The following LPIN2 variants were observed in gnomAD, a reference collection of about 807,000 sequenced individuals.
The protein encoded by LPIN2 is lipin 2.
A neutral mutation model predicts 111.4 loss-of-function variants in LPIN2; 55 were observed. That is an observed-to-expected ratio of 0.49 (90% confidence interval 0.40 to 0.62). The LOEUF (loss-of-function observed/expected upper bound fraction) is 0.62. Ranked by LOEUF, LPIN2 falls within the 20% of genes least tolerant of loss-of-function variation. The pLI is 0.00. For synonymous variants in LPIN2, 425 were observed against 414.0 expected (o/e 1.03, Z -0.32); for missense variants, 992 against 1,112.1 (o/e 0.89, Z 1.54).
intron 1 of LPIN2, among the ~76,000 whole-genome samples, chr18:2,987,105 G>A (rs661247): frequency 0.94 from 143,613 of 152,278 alleles, 68,018 homozygotes; most frequent in East Asian, 1. Context: ...TTTCTGTTCT[G>A]GGGTTATATC....
At chr18:2,961,451 T>C (rs950469492) in intron 1 of LPIN2, among the ~76,000 whole-genome samples, 1 of 152,048 alleles carries the variant, frequency 6.6e-6, no homozygotes, top group Admixed American at 6.6e-5. Context: ...TACGGAAAAA[T>C]CCCTTCAATG....
chr18:2,921,938 C>A, intron 17 of LPIN2, 109 bp downstream of exon 17: 1 of 1,394,182 alleles, frequency 7.2e-7, no homozygotes, highest in Non-Finnish European at 9.6e-7. Context: ...CTGGGAGAGG[C>A]GTGGCGGCTC....
At chr18:2,932,151 A>T (rs1002566551) in intron 8 of LPIN2, among the ~76,000 whole-genome samples, 1 of 152,250 alleles carries the variant, frequency 6.6e-6, no homozygotes, top group Non-Finnish European at 1.5e-5. Flanking sequence ...AATGAAGTGT[A>T]AATTTGAGAA....
intron 4 of LPIN2, chr18:2,946,042 C>T (rs991230901): frequency 3.5e-5 from 49 of 1,411,958 alleles, no homozygotes; most frequent in South Asian, 3.3e-4. Flanking sequence ...CTCTAGACCC[C>T]GATATGTCTT....
At chr18:2,928,561 G>A (rs375285281) in intron 11 of LPIN2, 30 bp downstream of exon 11, 51 of 1,610,194 alleles carry the variant, frequency 3.2e-5, no homozygotes, top group Middle Eastern at 1.6e-4. Flanking sequence ...GGATGCTTTC[G>A]GAAAGGCAGC....
intron 1 of LPIN2, among the ~76,000 whole-genome samples, chr18:3,010,799 G>A (rs2078589826): frequency 6.6e-6 from 1 of 152,082 alleles, no homozygotes; most frequent in South Asian, 2.1e-4. Flanking sequence ...TAGGAAATAA[G>A]TACCCAAGGC....
At chr18:2,980,453 C>A (rs989521133) in intron 1 of LPIN2, among the ~76,000 whole-genome samples, 1 of 152,176 alleles carries the variant, frequency 6.6e-6, no homozygotes, top group Non-Finnish European at 1.5e-5. Context: ...CACCACCAAC[C>A]TCAGCCCCAC....
intron 1 of LPIN2, among the ~76,000 whole-genome samples, chr18:2,977,710 C>T (rs1458779311): frequency 6.6e-6 from 1 of 152,062 alleles, no homozygotes; most frequent in East Asian, 1.9e-4. Context: ...TTACAATTAG[C>T]TGAATAAAAT....
chr18:2,982,615 T>G, intron 1 of LPIN2: 1 of 803,968 alleles, frequency 1.2e-6, no homozygotes, highest in Non-Finnish European at 1.9e-6. Flanking sequence ...CTCAGTAGTG[T>G]CCAGATTGAG....
chr18:2,995,957 T>C (rs111584625), intron 1 of LPIN2, among the ~76,000 whole-genome samples: 1,557 of 152,300 alleles, frequency 0.01, 25 homozygotes, highest in African/African-American at 0.035. Flanking sequence ...TTAAGCAGGG[T>C]ACCAAGCTTC....
Position 2,931,239 on chromosome 18 carries a change from A to G in LPIN2, c.1456+17T>C. 6.2e-7 allele frequency: 1 copy of G among 1,613,662 alleles called. No individual in the cohort carries two copies. The highest frequency in any genetic ancestry group is 8.5e-7 in the Non-Finnish European group (1 of 1,179,700). On this transcript the variant is annotated intron_variant, in intron 9 of 19. Coordinates refer to ENST00000677752, the MANE Select transcript of LPIN2 (RefSeq NM_001375808.2). ...TTGCTCTCTGAAATGAAGATGGGGCACAAACACCCAACGTACCTTTTGAAA... is the reference window on the plus strand; with the variant it reads ...TTGCTCTCTGAAATGAAGATGGGGCGCAAACACCCAACGTACCTTTTGAAA...
At chr18:2,929,026 G>A in intron 10 of LPIN2, 39 bp downstream of exon 10, 1 of 1,302,294 alleles carries the variant, frequency 7.7e-7, no homozygotes, top group East Asian at 2.3e-5. Context: ...TAAAAAAACT[G>A]CAAGAGTATT....
rs116178219 is a variant in LPIN2 at position 2,921,404 on chromosome 18, G to A, written c.2442+129C>T. 1.4e-3 allele frequency: 1,090 copies of A among 752,082 alleles called. 10 individuals are homozygous for A. The African/African-American group carries it at 0.016, about 11-fold the overall frequency. 46.6% of individuals were successfully genotyped at this position (752,082 alleles called of 1,614,324 possible). A position where few individuals can be genotyped will look rare whatever the true frequency, so the allele number is the denominator to read the frequency against. On this transcript the variant is annotated intron_variant, in intron 18 of 19. Transcript: ENST00000677752. ...ATTTGGAATAGATCAAGTGAAAACC[G>A]AACAAGCAGAACAGATGCCTCATTT... is the stretch of plus-strand genomic sequence containing the variant.
intron 16 of LPIN2, among the ~76,000 whole-genome samples, chr18:2,923,230 G>T (rs1485350730): frequency 6.6e-6 from 1 of 151,966 alleles, no homozygotes; most frequent in Non-Finnish European, 1.5e-5. Context: ...AGACCAGCCT[G>T]ACCAACATGA....
chr18:2,946,681 C>T, intron 4 of LPIN2: 1 of 627,264 alleles, frequency 1.6e-6, no homozygotes, highest in Non-Finnish European at 2.9e-6. Context: ...AATAAATAGC[C>T]TGAATTATTT....
At position 2,951,115 on chromosome 18, in the gene LPIN2, G is replaced by A; in HGVS notation, c.530C>T (p.Ala177Val). Residue 177 changes from alanine (A) to valine (V), a missense_variant, in exon 4 of 20, where the codon GCA becomes GTA. Around this residue, in one of 4 missense-constraint regions of LPIN2, gnomAD observed 709 missense variants for 753.2 expected, o/e 0.94. Transcript: ENST00000677752. ...CACGCCTACATCACATGTGTCTTCT[G>A]CAGCAGCAGATGCGGCCTGCTCTTC... ...KKEEQAASAA[A>V]EDTCDVGVSS... The A allele has an allele frequency of 1.2e-6, 2 of 1,614,190 alleles. No individual in the cohort carries two copies. Among genetic ancestry groups the A allele is most frequent in the East Asian group, 2.2e-5 (1 of 44,892 alleles).
In LPIN2 at chr18:2,920,041, C is replaced by T. The variant is rs886053762; in HGVS notation, c.*252G>A. On this transcript the variant is annotated 3_prime_UTR_variant, in exon 20 of 20. Coordinates refer to ENST00000677752, the MANE Select transcript of LPIN2 (RefSeq NM_001375808.2). ...CAGCTCACAGCAGGAAACATGTGTGCGACCCACAAAGGAGGGATCCCAGGC... is the reference window on the plus strand; with the variant it reads ...CAGCTCACAGCAGGAAACATGTGTGTGACCCACAAAGGAGGGATCCCAGGC... 44 of 571,580 alleles carry T rather than the reference C, an allele frequency of 7.7e-5. No homozygotes were observed. Among genetic ancestry groups the T allele is most frequent in the Non-Finnish European group, 1.3e-4 (40 of 319,086 alleles). The allele number at this position is 571,580 out of a possible 1,614,324, so 35.4% of individuals were successfully genotyped here. A position where few individuals can be genotyped will look rare whatever the true frequency, so the allele number is the denominator to read the frequency against.
chr18:2,931,487 C>A, intron 8 of LPIN2, 44 bp from the exon 9 acceptor site: 1 of 1,533,276 alleles, frequency 6.5e-7, no homozygotes. Context: ...ATTACAACTC[C>A]TTGAATTCCT....
At chr18:2,963,498 C>G (rs998802504) in intron 1 of LPIN2, among the ~76,000 whole-genome samples, 1 of 151,874 alleles carries the variant, frequency 6.6e-6, no homozygotes, top group African/African-American at 2.4e-5. Flanking sequence ...AGCAAAATAA[C>G]ACACTATAAA....
Sources: gnomAD v4.1 joint callset for allele counts (sites outside exome capture counted in the v4.1 genomes callset) on GRCh38, gnomAD v4.1.1 for gene constraint, gnomAD v4.1.1 regional missense constraint, MANE v1.5 for transcripts, NCBI Gene and HGNC (gene_info 2026-07-23, HGNC 2026-07-21) for gene names.